The following PIP5K1B variants were observed in gnomAD, a reference collection of about 807,000 sequenced individuals.
The protein encoded by PIP5K1B is phosphatidylinositol-4-phosphate 5-kinase type 1 beta.
In PIP5K1B, 42 loss-of-function variants were observed where a neutral mutation model predicts 67.0. The ratio of observed to expected loss-of-function variants is 0.63; its 90% CI spans 0.49 to 0.81. The LOEUF is 0.81. Among genes scored for constraint, PIP5K1B ranks in the 30% least tolerant of loss-of-function variants. The probability of loss-of-function intolerance (pLI) is 0.00; values close to 1 mark genes in which losing one functional copy is unlikely to be tolerated. For missense variants in PIP5K1B, 459 were observed against 646.3 expected, an observed-to-expected ratio of 0.71 and a Z score of 3.14; for synonymous variants, 214 against 231.4, an observed-to-expected ratio of 0.92 and a Z score of 0.68.
intron 8 of PIP5K1B, among the ~76,000 whole-genome samples, chr9:68,911,927 G>A (rs1308460965): frequency 6.6e-6 from 1 of 152,146 alleles, no homozygotes; most frequent in East Asian, 1.9e-4. Flanking sequence ...GAGATGTTCT[G>A]AAGGAAATAT....
chr9:68,735,331 T>A (rs1828681657), intron 1 of PIP5K1B, among the ~76,000 whole-genome samples: 1 of 134,874 alleles, frequency 7.4e-6, no homozygotes, highest in African/African-American at 2.7e-5. Context: ...TTTTTTTTTT[T>A]TTTTTTTTTT....
intron 15 of PIP5K1B, among the ~76,000 whole-genome samples, chr9:69,002,608 T>C (rs1326455070): frequency 2.6e-5 from 4 of 151,768 alleles, no homozygotes; most frequent in Non-Finnish European, 5.9e-5. Context: ...TATAATAAAA[T>C]ATAGAGCTTT....
intron 2 of PIP5K1B, among the ~76,000 whole-genome samples, chr9:68,816,484 A>T (rs1170023472): frequency 1.3e-5 from 2 of 152,188 alleles, no homozygotes; most frequent in African/African-American, 4.8e-5. Context: ...AAATTTCCAA[A>T]CTTGAAGGAA....
chr9:68,945,508 T>G (rs1173528023), intron 14 of PIP5K1B, among the ~76,000 whole-genome samples: 1 of 152,214 alleles, frequency 6.6e-6, no homozygotes, highest in Non-Finnish European at 1.5e-5. Context: ...GAATTTTGCT[T>G]ATTAAAAACA....
chr9:68,712,930 T>C (rs1039184728), intron 1 of PIP5K1B, among the ~76,000 whole-genome samples: 1 of 152,220 alleles, frequency 6.6e-6, no homozygotes, highest in Non-Finnish European at 1.5e-5. Context: ...GACACTTTGG[T>C]GTTCATATAC....
At chr9:68,848,605 G>C (rs1822318944) in intron 4 of PIP5K1B, among the ~76,000 whole-genome samples, 1 of 152,184 alleles carries the variant, frequency 6.6e-6, no homozygotes, top group African/African-American at 2.4e-5. Context: ...GGCTAGAGAA[G>C]TGTAAAATTT....
chr9:68,788,583 A>G (rs570979456), intron 2 of PIP5K1B: 8 of 256,088 alleles, frequency 3.1e-5, no homozygotes, highest in African/African-American at 9.3e-5. Context: ...GGAATCTCCA[A>G]TGTGAAGACC....
At chr9:68,798,111 A>T (rs552098750) in intron 2 of PIP5K1B, among the ~76,000 whole-genome samples, 1 of 152,316 alleles carries the variant, frequency 6.6e-6, no homozygotes, top group South Asian at 2.1e-4. Context: ...TGAAGAAAAT[A>T]ATCTGTTGGA....
chr9:68,825,382 G>A (rs1247097078), intron 4 of PIP5K1B, among the ~76,000 whole-genome samples: 5 of 152,194 alleles, frequency 3.3e-5, no homozygotes, highest in African/African-American at 1.2e-4. Context: ...CCAGCATGAT[G>A]CATGAGTTGG....
intron 15 of PIP5K1B, among the ~76,000 whole-genome samples, chr9:69,006,129 C>T (rs1042567785): frequency 6.6e-6 from 1 of 151,938 alleles, no homozygotes; most frequent in Non-Finnish European, 1.5e-5. Flanking sequence ...GGGCTCAGCC[C>T]CACAAAGTGC....
chr9:68,947,623 CA>C (rs1587705877), intron 14 of PIP5K1B, among the ~76,000 whole-genome samples: 3 of 152,122 alleles, frequency 2.0e-5, no homozygotes, highest in East Asian at 1.9e-4. Flanking sequence ...CAAAGCTTTA[CA>C]AAGGTAGTGT....
intron 6 of PIP5K1B, among the ~76,000 whole-genome samples, chr9:68,877,015 T>G (rs888939106): frequency 5.9e-5 from 9 of 152,230 alleles, no homozygotes; most frequent in Admixed American, 5.2e-4. Flanking sequence ...AATTGATATT[T>G]AAATAACTAT....
chr9:68,747,621 G>C (rs1829386499), intron 2 of PIP5K1B, among the ~76,000 whole-genome samples: 1 of 152,016 alleles, frequency 6.6e-6, no homozygotes, highest in African/African-American at 2.4e-5. Flanking sequence ...ATAAATTTTG[G>C]CATAATATAG....
chr9:68,781,296 A>G, intron 2 of PIP5K1B: 1 of 353,620 alleles, frequency 2.8e-6, no homozygotes, highest in Non-Finnish European at 5.4e-6. Context: ...CTAAATACAT[A>G]TGTTATCCCT....
chr9:68,836,500 G>T (rs772363044), intron 4 of PIP5K1B, among the ~76,000 whole-genome samples: 1 of 152,028 alleles, frequency 6.6e-6, no homozygotes, highest in Non-Finnish European at 1.5e-5. Context: ...AACATCAAAC[G>T]TTTCCATTTC....
chr9:68,787,664 G>A (rs751785842), intron 2 of PIP5K1B, among the ~76,000 whole-genome samples: 12 of 150,776 alleles, frequency 8.0e-5, no homozygotes, highest in East Asian at 3.9e-4. Flanking sequence ...ACAGAGTCTC[G>A]CTCTGTCACG....
chr9:68,781,000 T>G, intron 2 of PIP5K1B: 1 of 1,613,928 alleles, frequency 6.2e-7, no homozygotes. Context: ...TCTCCATTTA[T>G]TCCACTAGAT....
At chr9:68,884,251 G>C (rs1824342090) in intron 6 of PIP5K1B, among the ~76,000 whole-genome samples, 2 of 151,570 alleles carry the variant, frequency 1.3e-5, no homozygotes. Context: ...AACGCATCAG[G>C]TAAAGGGTTG....
At chr9:68,929,795 G>C (rs1826902970) in intron 12 of PIP5K1B, among the ~76,000 whole-genome samples, 1 of 152,122 alleles carries the variant, frequency 6.6e-6, no homozygotes, top group Non-Finnish European at 1.5e-5. Context: ...TCAGCCTCCA[G>C]AGTAACTGGG....
Sources: allele counts gnomAD v4.1 joint callset (sites outside exome capture counted in the v4.1 genomes callset), GRCh38; gene constraint gnomAD v4.1.1; transcripts MANE v1.5; gene names NCBI Gene and HGNC (gene_info 2026-07-23, HGNC 2026-07-21).